The following WDR11 variants were observed in gnomAD, a reference collection of about 807,000 sequenced individuals.
The protein encoded by WDR11 is WD repeat-containing protein 11.
WDR11 carries 83 observed loss-of-function variants against 151.2 expected under a neutral mutation model. The ratio of observed to expected loss-of-function variants is 0.55; its 90% CI spans 0.46 to 0.66. WDR11 has a LOEUF of 0.66. WDR11 is among the 30% of genes least tolerant of loss of function. The pLI, the probability that WDR11 is intolerant of heterozygous loss-of-function variation, is 0.00. For synonymous variants in WDR11, 484 were observed against 533.1 expected, an observed-to-expected ratio of 0.91 and a Z score of 1.27; for missense variants, 1,301 against 1,480.9, an observed-to-expected ratio of 0.88 and a Z score of 1.99.
intron 13 of WDR11, among the ~76,000 whole-genome samples, chr10:120,882,290 GAT>G (rs996662789): frequency 6.6e-6 from 1 of 152,016 alleles, no homozygotes; most frequent in Admixed American, 6.5e-5. Context: ...AGAGTTTTAT[GAT>G]ATATTATTAA....
chr10:120,882,657 T>C (rs1359874123), intron 13 of WDR11, among the ~76,000 whole-genome samples: 1 of 152,028 alleles, frequency 6.6e-6, no homozygotes, highest in Non-Finnish European at 1.5e-5. Flanking sequence ...TTTATTAATT[T>C]ATTGAAATAA....
At chr10:120,853,264 G>A (rs952387424) in intron 2 of WDR11, among the ~76,000 whole-genome samples, 1 of 151,804 alleles carries the variant, frequency 6.6e-6, no homozygotes, top group Non-Finnish European at 1.5e-5. Flanking sequence ...TTACGAAGGA[G>A]TTTGGATTTT....
At chr10:120,881,355 A>C (rs935135635) in intron 13 of WDR11, among the ~76,000 whole-genome samples, 1 of 152,174 alleles carries the variant, frequency 6.6e-6, no homozygotes, top group African/African-American at 2.4e-5. Flanking sequence ...TAGTTTTCAA[A>C]CTTGTTTTGG....
At chr10:120,906,878 TAGTGACG>T (rs1848075048) in intron 28 of WDR11, 23 bp downstream of exon 28, 1 of 1,614,138 alleles carries the variant, frequency 6.2e-7, no homozygotes, top group Admixed American at 1.7e-5. Flanking sequence ...AGGTTGTTTG[TAGTGACG>T]AGGAAGAAAG....
Position 120,876,614 on chromosome 10 carries a change from C to G in WDR11, c.1557-1739C>G, listed in dbSNP as rs528684727. ...TTACACTGCTGAATCTTCTCTCTCT[C>G]TCTTTCCCATCTCCTCTTCTCTCGA... On this transcript the variant is annotated intron_variant, in intron 11 of 28. Coordinates refer to ENST00000263461, the MANE Select transcript of WDR11 (RefSeq NM_018117.12). Among the ~76,000 whole-genome samples, 51 of 152,318 alleles carry G rather than the reference C, an allele frequency of 3.3e-4. No individual in the cohort carries two copies. In the South Asian group the frequency reaches 0.01, roughly 31 times the overall value.
intron 9 of WDR11, among the ~76,000 whole-genome samples, chr10:120,868,045 A>G (rs1846375338): frequency 6.6e-6 from 1 of 152,158 alleles, no homozygotes; most frequent in African/African-American, 2.4e-5. Context: ...AGTTGTGGCT[A>G]TGGTTTATAA....
intron 2 of WDR11, among the ~76,000 whole-genome samples, chr10:120,856,772 A>AACATAT (rs1367065619): frequency 6.6e-6 from 1 of 152,078 alleles, no homozygotes; most frequent in Non-Finnish European, 1.5e-5. Context: ...AATGGAATTC[A>AACATAT]ACATATACAT....
rs1165817123 is a variant in WDR11 at position 120,867,675 on chromosome 10, T to C, written c.1294+506T>C. ...ATTTTAATTGTGGGTTTTTTTCTTC[T>C]GTTTCATCTCATCAATTGTAAGCAT... is the stretch of plus-strand genomic sequence containing the variant. On this transcript the variant is annotated intron_variant, in intron 9 of 28. Coordinates refer to ENST00000263461, the MANE Select transcript of WDR11 (RefSeq NM_018117.12). Among the ~76,000 whole-genome samples, 3 of 152,236 alleles carry C rather than the reference T, an allele frequency of 2.0e-5. No homozygotes were observed. In the East Asian group the frequency reaches 5.8e-4, roughly 29 times the overall value.
intron 24 of WDR11, among the ~76,000 whole-genome samples, chr10:120,904,402 A>C (rs1000633871): frequency 6.6e-6 from 1 of 151,316 alleles, no homozygotes; most frequent in African/African-American, 2.4e-5. Flanking sequence ...TTTGTGTCTG[A>C]ATTGACTGGT....
chr10:120,893,392 A>G (rs1344349146), intron 19 of WDR11, among the ~76,000 whole-genome samples: 1 of 151,892 alleles, frequency 6.6e-6, no homozygotes, highest in Non-Finnish European at 1.5e-5. Flanking sequence ...TATGTGCCAC[A>G]TTTTCTTAAT....
intron 2 of WDR11, among the ~76,000 whole-genome samples, chr10:120,853,977 GA>G (rs1845865596): frequency 6.6e-6 from 1 of 152,174 alleles, no homozygotes; most frequent in East Asian, 1.9e-4. Flanking sequence ...GGCTTTAGGA[GA>G]TAGGTCAGGA....
rs1848054739 is a variant in WDR11, at chr10:120,906,555, C to G, written c.3438-221C>G. The G allele has an allele frequency of 2.9e-6, 4 of 1,403,476 alleles. No homozygotes were observed. In the Admixed American group the frequency reaches 8.6e-5, roughly 30 times the overall value. The allele number at this position is 1,403,476 out of a possible 1,614,324, so 86.9% of individuals were successfully genotyped here. A position where few individuals can be genotyped will look rare whatever the true frequency, so the allele number is the denominator to read the frequency against. On this transcript the variant is annotated intron_variant, in intron 27 of 28. Coordinates refer to ENST00000263461, the MANE Select transcript of WDR11 (RefSeq NM_018117.12). ...AGATTTTTGTGTATTTAAACTATTT[C>G]ACAATTTTTTAAAGTATTAATTTTA... is the stretch of plus-strand genomic sequence containing the variant.
intron 9 of WDR11, 38 bp downstream of exon 9, chr10:120,867,207 C>T: frequency 6.8e-7 from 1 of 1,468,204 alleles, no homozygotes; most frequent in South Asian, 1.1e-5. Context: ...GTTAAGTATT[C>T]TTTCTGAAGG....
rs1210521982 is a variant in WDR11, at chr10:120,892,139, A to G, written c.2515+1252A>G. Among the ~76,000 whole-genome samples, 3 of 152,236 alleles carry G rather than the reference A, an allele frequency of 2.0e-5. No homozygotes were observed. In the East Asian group the frequency reaches 5.8e-4, roughly 29 times the overall value. ...GCTTTTCCTTCACTTTTAATATAAA[A>G]TTTGAATCTAAAAAGCTCCAAAGTC... is the stretch of plus-strand genomic sequence containing the variant. On this transcript the variant is annotated intron_variant, in intron 19 of 28. Coordinates refer to ENST00000263461, the MANE Select transcript of WDR11 (RefSeq NM_018117.12).
chr10:120,874,159 T>C (rs1218795404), intron 11 of WDR11, among the ~76,000 whole-genome samples: 2 of 147,400 alleles, frequency 1.4e-5, no homozygotes, highest in Admixed American at 6.8e-5. Context: ...GGTGCAAAAG[T>C]AATTGCGGTT....
chr10:120,905,918 T>TG lies in WDR11; in HGVS notation c.3337dup (p.Val1113GlyfsTer2). 6.2e-7 allele frequency: 1 copy of TG among 1,614,042 alleles called. No homozygotes were observed. Among genetic ancestry groups the TG allele is most frequent in the Non-Finnish European group, 8.5e-7 (1 of 1,180,004 alleles). ...GGAGTGTGCCGATGTTTTAAGGCGG[T>TG]GGGTTGACCACCTTTGTTCTCCACA... is the stretch of plus-strand genomic sequence containing the variant. On this transcript the variant is annotated frameshift_variant, in exon 27 of 29. Coordinates refer to ENST00000263461, the MANE Select transcript of WDR11 (RefSeq NM_018117.12). LOFTEE classifies it high-confidence loss of function.
chr10:120,883,199 C>G (rs1036834981), intron 13 of WDR11, among the ~76,000 whole-genome samples: 1 of 152,072 alleles, frequency 6.6e-6, no homozygotes, highest in Non-Finnish European at 1.5e-5. Flanking sequence ...AGGGATCTTC[C>G]TACTCTGTCA....
At position 120,851,433 on chromosome 10, in the gene WDR11, A is replaced by C. The variant is rs1359440148; in HGVS notation, c.13A>C (p.Thr5Pro). The change falls in exon 1 of 29, where the codon ACA (threonine) becomes CCA (proline). Residue 5 changes from threonine to proline, a missense_variant. This residue lies in a region of WDR11 where 692 missense variants were observed against 762.5 expected (regional missense o/e 0.91). Coordinates refer to ENST00000263461, the MANE Select transcript of WDR11 (RefSeq NM_018117.12). ...GCTGGCCGCCGGGATGTTGCCCTAC[A>C]CAGTGAACTTCAAGGTGTCGGCGCG... MLPY[T>P]VNFKVSARTL... 2 of 1,611,740 alleles carry C rather than the reference A, an allele frequency of 1.2e-6. No homozygotes were observed. Among genetic ancestry groups the C allele is most frequent in the African/African-American group, 1.3e-5 (1 of 75,048 alleles).
intron 11 of WDR11, 67 bp downstream of exon 11, chr10:120,873,990 T>C (rs1846641092): frequency 9.6e-7 from 1 of 1,041,242 alleles, no homozygotes; most frequent in South Asian, 1.3e-5. Flanking sequence ...CATAGACTTT[T>C]CTACATTGAG....
Sources: allele counts gnomAD v4.1 joint callset (sites outside exome capture counted in the v4.1 genomes callset), GRCh38; gene constraint gnomAD v4.1.1; regional missense constraint gnomAD v4.1.1; transcripts MANE v1.5; gene names NCBI Gene and HGNC (gene_info 2026-07-23, HGNC 2026-07-21).